The following IMMP2L variants were observed in gnomAD, a reference collection of about 807,000 sequenced individuals.
IMMP2L encodes inner mitochondrial membrane peptidase subunit 2.
A neutral mutation model predicts 19.3 loss-of-function variants in IMMP2L; 18 were observed. That is an observed-to-expected ratio of 0.93 (90% CI 0.64 to 1.38). The LOEUF is 1.38. Ranked by LOEUF, IMMP2L falls within the 40% of genes most tolerant of loss-of-function variation. The pLI is 0.00. For missense variants in IMMP2L, 233 were observed against 218.2 expected (o/e 1.07, Z -0.43); for synonymous variants, 76 against 73.0 (o/e 1.04, Z -0.21).
chr7:110,690,160 C>T (rs540340468), intron 5 of IMMP2L, among the ~76,000 whole-genome samples: 63 of 152,192 alleles, frequency 4.1e-4, no homozygotes, highest in Admixed American at 5.2e-4. Flanking sequence ...AATTCCTGTC[C>T]TATGACGCTG....
chr7:111,155,046 C>T (rs1404327312), intron 3 of IMMP2L, among the ~76,000 whole-genome samples: 2 of 152,080 alleles, frequency 1.3e-5, no homozygotes, highest in African/African-American at 2.4e-5. Flanking sequence ...GCATGAGCTA[C>T]CACATCCAGA....
In IMMP2L at chr7:110,896,618, A is replaced by AGTAT. The variant is rs1338825109; in HGVS notation, c.306-9924_306-9923insATAC. 2.5e-4 allele frequency among the ~76,000 whole-genome samples: 7 copies of AGTAT among 27,792 alleles called. 2 individuals are homozygous for AGTAT. Among genetic ancestry groups the AGTAT allele is most frequent in the African/African-American group, 5.8e-4 (1 of 1,730 alleles). 18.2% of individuals were successfully genotyped at this position (27,792 alleles called of 152,430 possible). A position where few individuals can be genotyped will look rare whatever the true frequency, so the allele number is the denominator to read the frequency against. On this transcript the variant is annotated intron_variant, in intron 4 of 5. Transcript: ENST00000405709. ...ATTTGTGGCACATTTTGCCTTTCAA[A>AGTAT]AATTTTTAATTTCAAAATACTGAGG... is the stretch of plus-strand genomic sequence containing the variant.
At chr7:111,535,754 T>G (rs1460178603) in intron 1 of IMMP2L, among the ~76,000 whole-genome samples, 1 of 151,768 alleles carries the variant, frequency 6.6e-6, no homozygotes, top group Non-Finnish European at 1.5e-5. Context: ...AGCAAATGAG[T>G]TGGGAGAACA....
chr7:111,062,605 T>C (rs1794121695), intron 3 of IMMP2L, among the ~76,000 whole-genome samples: 1 of 152,220 alleles, frequency 6.6e-6, no homozygotes, highest in African/African-American at 2.4e-5. Context: ...GCAAGTCCCT[T>C]CTGCCTATGA....
chr7:111,150,767 T>C (rs999332917), intron 3 of IMMP2L, among the ~76,000 whole-genome samples: 21 of 152,238 alleles, frequency 1.4e-4, no homozygotes, highest in African/African-American at 5.1e-4. Flanking sequence ...TTATTGGCTA[T>C]TCTTTTCTCA....
intron 3 of IMMP2L, among the ~76,000 whole-genome samples, chr7:110,997,905 T>A (rs1002278885): frequency 7.2e-5 from 11 of 152,134 alleles, no homozygotes; most frequent in Admixed American, 4.6e-4. Flanking sequence ...CAAGTTCTTC[T>A]AATACCGGAT....
intron 3 of IMMP2L, among the ~76,000 whole-genome samples, chr7:110,973,142 T>C (rs112859344): frequency 0.023 from 3,507 of 152,132 alleles, 117 homozygotes; most frequent in African/African-American, 0.079. Context: ...ATTATATACC[T>C]GAAAATTGCT....
At chr7:111,015,224 A>G (rs1428999144) in intron 3 of IMMP2L, among the ~76,000 whole-genome samples, 1 of 152,200 alleles carries the variant, frequency 6.6e-6, no homozygotes, top group African/African-American at 2.4e-5. Context: ...ATTCAGCTTT[A>G]AAAAGGAAGG....
intron 3 of IMMP2L, among the ~76,000 whole-genome samples, chr7:111,172,397 T>A (rs1806544537): frequency 6.6e-6 from 1 of 151,500 alleles, no homozygotes; most frequent in Non-Finnish European, 1.5e-5. Context: ...ATTCATGGAG[T>A]ACAATGTTAC....
At chr7:110,813,512 T>C (rs1277465077) in intron 5 of IMMP2L, among the ~76,000 whole-genome samples, 1 of 151,666 alleles carries the variant, frequency 6.6e-6, no homozygotes, top group Non-Finnish European at 1.5e-5. Context: ...ACAGTGGCCC[T>C]GATCTCCCAG....
At chr7:111,324,340 A>G (rs2130554058) in intron 3 of IMMP2L, among the ~76,000 whole-genome samples, 1 of 152,110 alleles carries the variant, frequency 6.6e-6, no homozygotes, top group East Asian at 1.9e-4. Flanking sequence ...TCTATTGTAT[A>G]TGCAAATAAA....
intron 3 of IMMP2L, among the ~76,000 whole-genome samples, chr7:111,002,487 G>T (rs1041367044): frequency 6.6e-6 from 1 of 152,110 alleles, no homozygotes; most frequent in African/African-American, 2.4e-5. Context: ...TTAAGGCAGA[G>T]GTTCTTCAGA....
chr7:111,254,335 T>C (rs928862656), intron 3 of IMMP2L, among the ~76,000 whole-genome samples: 1 of 152,064 alleles, frequency 6.6e-6, no homozygotes, highest in African/African-American at 2.4e-5. Flanking sequence ...CTAAAAGTCT[T>C]TGAATATATG....
At position 111,378,379 on chromosome 7, in the gene IMMP2L, TAAA is replaced by T. The variant is rs570772024; in HGVS notation, c.239+108856_239+108858del. ...CAACATTTTATAATTGTCACAAATATAAAAATTGATAAAACTTCCAGCAAATTT... is the reference window on the plus strand; with the variant it reads ...CAACATTTTATAATTGTCACAAATATAATTGATAAAACTTCCAGCAAATTT... On this transcript the variant is annotated intron_variant, in intron 3 of 5. Coordinates refer to ENST00000405709, the MANE Select transcript of IMMP2L (RefSeq NM_032549.4). Among the ~76,000 whole-genome samples the T allele has an allele frequency of 1.7e-3, 252 of 152,056 alleles. 1 individual carries two copies. The highest frequency in any genetic ancestry group is 2.3e-3 in the Non-Finnish European group (158 of 67,888).
At chr7:111,133,256 C>T (rs1802017730) in intron 3 of IMMP2L, among the ~76,000 whole-genome samples, 1 of 151,964 alleles carries the variant, frequency 6.6e-6, no homozygotes, top group Admixed American at 6.6e-5. Context: ...ATGAATCTGG[C>T]AATTGCAATT....
At chr7:111,317,677 A>G (rs1222958063) in intron 3 of IMMP2L, among the ~76,000 whole-genome samples, 1 of 152,166 alleles carries the variant, frequency 6.6e-6, no homozygotes. Context: ...GACCATTATA[A>G]GGCTGCTACA....
At chr7:111,013,649 A>T (rs1441635012) in intron 3 of IMMP2L, among the ~76,000 whole-genome samples, 1 of 152,174 alleles carries the variant, frequency 6.6e-6, no homozygotes, top group Non-Finnish European at 1.5e-5. Flanking sequence ...TCCCACATAC[A>T]AACTCCCATA....
At chr7:110,917,041 A>G (rs1258523699) in intron 4 of IMMP2L, among the ~76,000 whole-genome samples, 1 of 152,174 alleles carries the variant, frequency 6.6e-6, no homozygotes. Flanking sequence ...AGATGAGATA[A>G]TCCTGGATTA....
chr7:111,385,591 T>A (rs1584900099), intron 3 of IMMP2L, among the ~76,000 whole-genome samples: 1 of 152,122 alleles, frequency 6.6e-6, no homozygotes, highest in Non-Finnish European at 1.5e-5. Context: ...GAATGTTTGA[T>A]CTTTTTATTG....
Sources: allele counts gnomAD v4.1 joint callset (sites outside exome capture counted in the v4.1 genomes callset), GRCh38; gene constraint gnomAD v4.1.1; transcripts MANE v1.5; gene names NCBI Gene and HGNC (gene_info 2026-07-23, HGNC 2026-07-21).